Variants in TLCD3B observed in about 807,000 individuals in gnomAD.
TLCD3B encodes the protein TLC domain containing 3B, also known as ceramide synthase.
A neutral mutation model predicts 23.0 loss-of-function variants in TLCD3B; 9 were observed. The ratio of observed to expected loss-of-function variants is 0.39; its 90% CI spans 0.24 to 0.68. The LOEUF (loss-of-function observed/expected upper bound fraction) is 0.68, where lower values mean the gene tolerates loss of function less well. Ranked by LOEUF, TLCD3B falls within the 30% of genes least tolerant of loss-of-function variation. The pLI, the probability that TLCD3B is intolerant of heterozygous loss-of-function variation, is 0.44. For synonymous variants in TLCD3B, 161 were observed against 161.0 expected, an observed-to-expected ratio of 1.00 and a Z score of 0.00; for missense variants, 307 against 371.8, an observed-to-expected ratio of 0.83 and a Z score of 1.43.
rs976780114 is a variant in TLCD3B, at chr16:30,029,668, G to A, written c.126-153C>T. On this transcript the variant is annotated intron_variant, in intron 1 of 4. Transcript: ENST00000380495. The surrounding 1 kb of genome is among the most constrained non-coding windows in gnomAD (Gnocchi z 4.6). ...TTCGCCCAAGGCTGGGCTGCCTGAGGTGTGCCCCACCACAGGTACCTCACG... is the reference window on the plus strand; with the variant it reads ...TTCGCCCAAGGCTGGGCTGCCTGAGATGTGCCCCACCACAGGTACCTCACG... 5 of 680,800 alleles carry A rather than the reference G, an allele frequency of 7.3e-6. No individual in the cohort carries two copies. Among genetic ancestry groups the A allele is most frequent in the African/African-American group, 1.8e-5 (1 of 56,510 alleles). The allele number at this position is 680,800 out of a possible 1,614,324, so 42.2% of individuals were successfully genotyped here. A position where few individuals can be genotyped will look rare whatever the true frequency, so the allele number is the denominator to read the frequency against.
chr16:30,032,598 G>T (rs1392410391), upstream of TLCD3B: 1 of 150,416 alleles, frequency 6.6e-6, no homozygotes, highest in African/African-American at 2.4e-5. Flanking sequence ...TTCTTACTTG[G>T]TATCCCTGTT....
Position 30,026,783 on chromosome 16 carries a change from G to T in TLCD3B, c.270C>A (p.Tyr90Ter). Reference sequence around the variant, plus strand: ...TGTGCCAGTGACAGAGGAACATGGCGTAGATGTCGTAGATGAAGTAGGGCA... The same window carrying T: ...TGTGCCAGTGACAGAGGAACATGGCTTAGATGTCGTAGATGAAGTAGGGCA... ...FAVPYFIYDI[Y>*]AMFLCHWHKH... Residue 90 changes from tyrosine (Y) to a stop codon, truncating the protein, a stop_gained, in exon 3 of 5, where the codon TAC (tyrosine) becomes TAA (stop). Transcript: ENST00000380495. LOFTEE classifies it high-confidence loss of function. 1 of 1,614,172 alleles carries T rather than the reference G, an allele frequency of 6.2e-7. No homozygotes were observed. Among genetic ancestry groups the T allele is most frequent in the Non-Finnish European group, 8.5e-7 (1 of 1,180,020 alleles).
At chr16:30,042,631 T>C (rs2071595623) in intron 2 of TLCD3B, among the ~76,000 whole-genome samples, 2 of 152,244 alleles carry the variant, frequency 1.3e-5, no homozygotes, top group East Asian at 1.9e-4. Context: ...TTATTGAAGA[T>C]TGAAATGGCT....
intron 3 of TLCD3B, among the ~76,000 whole-genome samples, chr16:30,037,629 G>A (rs1351837254): frequency 1.3e-5 from 2 of 151,924 alleles, no homozygotes; most frequent in Non-Finnish European, 2.9e-5. Flanking sequence ...TTGGAAGGAT[G>A]AGGCGAAAGA....
intron 1 of TLCD3B, among the ~76,000 whole-genome samples, chr16:30,048,444 T>C (rs886693319): frequency 6.6e-6 from 1 of 152,074 alleles, no homozygotes; most frequent in African/African-American, 2.4e-5. Context: ...TTCTATGCCA[T>C]GTGCCTTGCA....
intron 1 of TLCD3B, among the ~76,000 whole-genome samples, chr16:30,047,706 G>A (rs997350018): frequency 3.3e-5 from 5 of 151,418 alleles, no homozygotes; most frequent in Admixed American, 1.3e-4. Context: ...TGATCCACCC[G>A]CCTCAGCCTC....
At chr16:30,038,915 A>G (rs1323627242) in intron 3 of TLCD3B, among the ~76,000 whole-genome samples, 1 of 152,072 alleles carries the variant, frequency 6.6e-6, no homozygotes, top group Admixed American at 6.6e-5. Flanking sequence ...AGTGAATAAA[A>G]ATTTTTTAAA....
Position 30,025,061 on chromosome 16 carries a change from T to G in TLCD3B, c.*122A>C. 1.6e-6 allele frequency: 1 copy of G among 638,268 alleles called. No homozygotes were observed. The highest frequency in any genetic ancestry group is 2.5e-6 in the Non-Finnish European group (1 of 393,516). 39.5% of individuals were successfully genotyped at this position (638,268 alleles called of 1,614,324 possible). A position where few individuals can be genotyped will look rare whatever the true frequency, so the allele number is the denominator to read the frequency against. On this transcript the variant is annotated 3_prime_UTR_variant, in exon 5 of 5. Transcript: ENST00000380495. The surrounding 1 kb of genome is among the most constrained non-coding windows in gnomAD (Gnocchi z 4.1). ...AGATGGGGCCTCTTCCCTTTCGGGG[T>G]CATCGTCAGTCCTGGGGTTGTCCGG...
chr16:30,036,275 G>GA lies in TLCD3B; in HGVS notation c.-66-62dup, dbSNP rs888821656. 1.6e-5 allele frequency: 21 copies of GA among 1,288,536 alleles called. No homozygotes were observed. In the African/African-American group the frequency reaches 2.1e-4, roughly 13 times the overall value. 79.8% of individuals were successfully genotyped at this position (1,288,536 alleles called of 1,614,324 possible). A position where few individuals can be genotyped will look rare whatever the true frequency, so the allele number is the denominator to read the frequency against. ...TTGGAACTTTAAAATGACATTTGTT[G>GA]AAAAAACAAAATAAAGCCAAAGCGA... On this transcript the variant is annotated intron_variant, in intron 3 of 6. Coordinates refer to the TLCD3B transcript ENST00000561666.
Position 30,025,328 on chromosome 16 carries a change from G to A in TLCD3B, c.680C>T (p.Pro227Leu). Residue 227 changes from proline (P) to leucine (L), a missense_variant, in exon 5 of 5, where the codon CCC (proline) becomes CTC (leucine). By Grantham distance (98) the Pro-to-Leu change is moderately conservative (BLOSUM62 -3). Coordinates refer to ENST00000380495, the MANE Select transcript of TLCD3B (RefSeq NM_031478.6). This position sits in a 1 kb window ranked among gnomAD's most constrained non-coding sequence, Gnocchi z 4.1. Reference sequence around the variant, plus strand: ...GTTGACGTGGGCAGGGATGGCCAGGGGCACGGCCAGCAGGGGCAGGCCGGC... The same window carrying A: ...GTTGACGTGGGCAGGGATGGCCAGGAGCACGGCCAGCAGGGGCAGGCCGGC... ...RHAGLPLLAV[P>L]LAIPAHVNLG... 1 of 1,575,486 alleles carries A rather than the reference G, an allele frequency of 6.3e-7. No homozygotes were observed. Among genetic ancestry groups the A allele is most frequent in the Non-Finnish European group, 8.6e-7 (1 of 1,159,682 alleles).
chr16:30,025,395 C>G lies in TLCD3B; in HGVS notation c.613G>C (p.Val205Leu). 1.9e-6 allele frequency: 3 copies of G among 1,611,330 alleles called. No individual in the cohort carries two copies. Among genetic ancestry groups the G allele is most frequent in the Non-Finnish European group, 2.5e-6 (3 of 1,179,028 alleles). The part of the protein sequence containing the change: ...LMLLSFLCCR[V>L]LLFPYLYWAY... ...CAGTACAGGTAGGGAAAGAGCAGCA[C>G]CCGGCAGCAGAGGAAGCTGAGCAGC... The change falls in exon 5 of 5, where the codon GTG (valine) becomes CTG (leucine). Residue 205 changes from valine (V) to leucine (L), a missense_variant. By Grantham distance (32) the Val-to-Leu change is conservative. Coordinates refer to ENST00000380495, the MANE Select transcript of TLCD3B (RefSeq NM_031478.6). This position sits in a 1 kb window ranked among gnomAD's most constrained non-coding sequence, Gnocchi z 4.1.
At position 30,029,464 on chromosome 16, in the gene TLCD3B, G is replaced by C. The variant is rs754152601; in HGVS notation, c.177C>G (p.Val59=). ...CAATGATGTGCTTGCAGGAGGTGGA[G>C]ACGATGTAGCCGGCAGTGGAGGCCA... The part of the protein sequence containing the change: ...AIMASTAGYI[V]STSCKHIIDD... Residue 59 remains valine (V), a synonymous_variant, in exon 2 of 5, where the codon GTC becomes GTG. Transcript: ENST00000380495. This position sits in a 1 kb window ranked among gnomAD's most constrained non-coding sequence, Gnocchi z 4.6. 29 of 1,613,960 alleles carry C rather than the reference G, an allele frequency of 1.8e-5. No individual in the cohort carries two copies. The highest frequency in any genetic ancestry group is 2.3e-5 in the Non-Finnish European group (27 of 1,179,978).
chr16:30,033,552 A>G (rs965034830), upstream of TLCD3B: 1 of 152,212 alleles, frequency 6.6e-6, no homozygotes, highest in African/African-American at 2.4e-5. Context: ...CACACAGGTC[A>G]TAGATCTGCA....
intron 2 of TLCD3B, among the ~76,000 whole-genome samples, chr16:30,045,352 GGT>G (rs201802930): frequency 0.017 from 2,370 of 143,232 alleles, 58 homozygotes; most frequent in African/African-American, 0.055. Flanking sequence ...TTGTGTGTGT[GGT>G]GTGTGTGTGT....
chr16:30,047,803 A>G (rs965478556), intron 1 of TLCD3B, among the ~76,000 whole-genome samples: 5 of 147,898 alleles, frequency 3.4e-5, no homozygotes. Flanking sequence ...TCTGTTGCCC[A>G]TGCTGGAGTG....
chr16:30,045,372 G>C (rs1179586461), intron 2 of TLCD3B, among the ~76,000 whole-genome samples: 2 of 141,820 alleles, frequency 1.4e-5, no homozygotes, highest in Admixed American at 7.1e-5. Context: ...TGTGTGGTTT[G>C]TGTGTGTGGT....
upstream of TLCD3B, chr16:30,035,436 A>G (rs1387267095): frequency 8.5e-6 from 11 of 1,289,606 alleles, no homozygotes; most frequent in East Asian, 4.4e-4. Flanking sequence ...GTGAAGCACA[A>G]CGGGAAGAAG....
intron 3 of TLCD3B, among the ~76,000 whole-genome samples, chr16:30,036,807 G>A (rs1454208016): frequency 1.3e-5 from 2 of 152,170 alleles, no homozygotes; most frequent in Admixed American, 6.5e-5. Flanking sequence ...GTGCAGGGCC[G>A]GGCGTGGTGA....
At chr16:30,030,141 T>G in intron 1 of TLCD3B, 2 of 1,473,572 alleles carry the variant, frequency 1.4e-6, no homozygotes, top group Non-Finnish European at 1.8e-6. Flanking sequence ...CTGGCCCTGT[T>G]TTGGAGGGTG....
Sources: gnomAD v4.1 joint callset for allele counts (sites outside exome capture counted in the v4.1 genomes callset) on GRCh38, gnomAD v4.1.1 for gene constraint, Gnocchi (gnomAD v3.1) non-coding constraint, MANE v1.5 for transcripts, NCBI Gene and HGNC (gene_info 2026-07-23, HGNC 2026-07-21) for gene names.